CPA6: variants seen among roughly 807,000 people sequenced by gnomAD.
CPA6 encodes the protein carboxypeptidase B.
CPA6 carries 58 observed loss-of-function variants against 63.3 expected under a neutral mutation model. The observed-to-expected ratio is 0.92, with a 90% CI of 0.74 to 1.14. The LOEUF (loss-of-function observed/expected upper bound fraction) is 1.14. CPA6 is among the 50% of genes most tolerant of loss of function. The pLI, the probability that CPA6 is intolerant of heterozygous loss-of-function variation, is 0.00. For synonymous variants in CPA6, 185 were observed against 179.0 expected, an observed-to-expected ratio of 1.03 and a Z score of -0.27; for missense variants, 565 against 526.6, an observed-to-expected ratio of 1.07 and a Z score of -0.71.
At chr8:67,707,091 G>A (rs1817152603) in intron 1 of CPA6, among the ~76,000 whole-genome samples, 1 of 152,134 alleles carries the variant, frequency 6.6e-6, no homozygotes, top group Non-Finnish European at 1.5e-5. Context: ...GTCATCCACA[G>A]ACAATTATTG....
chr8:67,624,136 C>T lies in CPA6; in HGVS notation c.192+40G>A. The T allele has an allele frequency of 7.2e-6, 9 of 1,248,138 alleles. No individual in the cohort carries two copies. The East Asian group carries it at 2.1e-4, about 29-fold the overall frequency. The allele number at this position is 1,248,138 out of a possible 1,614,324, so 77.3% of individuals were successfully genotyped here. A position where few individuals can be genotyped will look rare whatever the true frequency, so the allele number is the denominator to read the frequency against. ...TCAGCAAATCCCTGTAAACACTCCA[C>T]AAGCACAATTCTACCATAAGTGTGT... On this transcript the variant is annotated intron_variant, in intron 2 of 10. Coordinates refer to ENST00000297770, the MANE Select transcript of CPA6 (RefSeq NM_020361.5).
chr8:67,583,362 G>A (rs1813826525), intron 2 of CPA6, among the ~76,000 whole-genome samples: 1 of 152,156 alleles, frequency 6.6e-6, no homozygotes, highest in Admixed American at 6.6e-5. Context: ...TTAGGCCTGA[G>A]TAGATACCAT....
intron 1 of CPA6, among the ~76,000 whole-genome samples, chr8:67,695,034 G>A (rs1460568352): frequency 6.6e-6 from 1 of 152,144 alleles, no homozygotes; most frequent in East Asian, 1.9e-4. Context: ...CAAAAAAAAT[G>A]TGAAGATATT....
chr8:67,718,826 T>C (rs1397288793), intron 1 of CPA6, among the ~76,000 whole-genome samples: 2 of 152,076 alleles, frequency 1.3e-5, no homozygotes, highest in African/African-American at 4.8e-5. Flanking sequence ...TTTGTATTTT[T>C]AGTAGAGACG....
At chr8:67,634,179 A>ATT (rs1815410365) in intron 1 of CPA6, among the ~76,000 whole-genome samples, 5 of 139,906 alleles carry the variant, frequency 3.6e-5, no homozygotes, top group South Asian at 2.2e-4. Context: ...CACTGGATTT[A>ATT]ATTATTATTA....
At chr8:67,562,511 T>G (rs1202537101) in intron 2 of CPA6, among the ~76,000 whole-genome samples, 1 of 152,066 alleles carries the variant, frequency 6.6e-6, no homozygotes, top group East Asian at 1.9e-4. Context: ...ATTCGTTTTG[T>G]GGTTCTACGT....
chr8:67,592,863 GT>G (rs1391928015), intron 2 of CPA6, among the ~76,000 whole-genome samples: 1 of 152,030 alleles, frequency 6.6e-6, no homozygotes, highest in Non-Finnish European at 1.5e-5. Context: ...TTTTTGAAGG[GT>G]TTTTTGTGTC....
intron 2 of CPA6, among the ~76,000 whole-genome samples, chr8:67,525,968 C>T (rs149186274): frequency 1.2e-3 from 186 of 152,248 alleles, no homozygotes; most frequent in Non-Finnish European, 2.1e-3. Context: ...GATATCACCA[C>T]AATGCAATAT....
chr8:67,738,807 G>A (rs1008554083), intron 1 of CPA6, among the ~76,000 whole-genome samples: 4 of 152,128 alleles, frequency 2.6e-5, no homozygotes, highest in African/African-American at 9.7e-5. Flanking sequence ...GAGGCTGATC[G>A]AGAAGCCATT....
At chr8:67,650,512 A>G (rs560977451) in intron 1 of CPA6, among the ~76,000 whole-genome samples, 1 of 152,250 alleles carries the variant, frequency 6.6e-6, no homozygotes, top group East Asian at 1.9e-4. Context: ...AACTACTAAA[A>G]GCAAAAGCCT....
intron 1 of CPA6, among the ~76,000 whole-genome samples, chr8:67,677,877 TA>T (rs79541004): frequency 1.4e-3 from 198 of 139,472 alleles, no homozygotes; most frequent in East Asian, 3.1e-3. Flanking sequence ...CAATAAAGCT[TA>T]AAAAAAAAAA....
At chr8:67,557,531 A>G (rs749340882) in intron 2 of CPA6, among the ~76,000 whole-genome samples, 8 of 152,114 alleles carry the variant, frequency 5.3e-5, no homozygotes, top group Non-Finnish European at 1.2e-4. Flanking sequence ...ACCCAATCTG[A>G]ACCAGCAACA....
chr8:67,447,480 C>T (rs572105837), intron 8 of CPA6, among the ~76,000 whole-genome samples: 3 of 147,966 alleles, frequency 2.0e-5, no homozygotes, highest in African/African-American at 7.5e-5. Flanking sequence ...GGAATAGGGC[C>T]CTGGGCTGAA....
chr8:67,512,600 C>CAAT (rs1812063812), intron 3 of CPA6, among the ~76,000 whole-genome samples: 1 of 152,162 alleles, frequency 6.6e-6, no homozygotes, highest in Non-Finnish European at 1.5e-5. Flanking sequence ...CCTGTCTTCT[C>CAAT]AATGCTCACC....
At chr8:67,573,891 CAAAAAAAA>C (rs34145304) in intron 2 of CPA6, among the ~76,000 whole-genome samples, 1 of 33,486 alleles carries the variant, frequency 3.0e-5, no homozygotes, top group Non-Finnish European at 5.9e-5. Context: ...GACTCCGTCT[CAAAAAAAA>C]AAAAAAAAAA....
chr8:67,527,898 G>T (rs1010372287), intron 2 of CPA6, among the ~76,000 whole-genome samples: 1 of 152,188 alleles, frequency 6.6e-6, no homozygotes, highest in African/African-American at 2.4e-5. Flanking sequence ...AATCCCCAGG[G>T]TAGAGGGCTG....
At chr8:67,710,397 GCCCCCACCCCCCCCCAAC>G (rs1390597942) in intron 1 of CPA6, among the ~76,000 whole-genome samples, 4 of 90,860 alleles carry the variant, frequency 4.4e-5, no homozygotes, top group African/African-American at 9.8e-5. Flanking sequence ...CAAATTTCCC[GCCCCCACCCCCCCCCAAC>G]CCCCCACCCC....
At chr8:67,613,478 G>A (rs1165538062) in intron 2 of CPA6, among the ~76,000 whole-genome samples, 16 of 152,216 alleles carry the variant, frequency 1.1e-4, no homozygotes, top group Non-Finnish European at 2.2e-4. Context: ...AATCTGGTAA[G>A]GGAGACACAG....
chr8:67,610,086 ATAGT>A (rs1814766268), intron 2 of CPA6, among the ~76,000 whole-genome samples: 1 of 152,082 alleles, frequency 6.6e-6, no homozygotes, highest in Non-Finnish European at 1.5e-5. Context: ...CCAAAAAACC[ATAGT>A]TAGGCCAGTC....
Sources: allele counts gnomAD v4.1 joint callset (sites outside exome capture counted in the v4.1 genomes callset), GRCh38; gene constraint gnomAD v4.1.1; transcripts MANE v1.5; gene names NCBI Gene and HGNC (gene_info 2026-07-23, HGNC 2026-07-21).